The following SEC14L3 variants were observed in gnomAD, a reference collection of about 807,000 sequenced individuals.
The protein encoded by SEC14L3 is SEC14 like lipid binding 3.
A neutral mutation model predicts 57.4 loss-of-function variants in SEC14L3; 56 were observed. The observed-to-expected ratio is 0.97, with a 90% CI of 0.79 to 1.22. The LOEUF is 1.22. SEC14L3 is among the 50% of genes most tolerant of loss of function. SEC14L3 has a pLI of 0.00. For missense variants in SEC14L3, 485 were observed against 511.7 expected (o/e 0.95, Z 0.50); for synonymous variants, 173 against 194.4 (o/e 0.89, Z 0.92).
rs902543621 is a variant in SEC14L3 at position 30,468,971 on chromosome 22, G to A, written c.235-275C>T. 4.9e-6 allele frequency: 7 copies of A among 1,423,198 alleles called. No homozygotes were observed. The Admixed American group carries it at 1.7e-4, about 34-fold the overall frequency. The allele number at this position is 1,423,198 out of a possible 1,614,324, so 88.2% of individuals were successfully genotyped here. On this transcript the variant is annotated intron_variant, in intron 4 of 11. Transcript: ENST00000215812. ...CCCGTGTCCCTTTCTGTGGAGAAGA[G>A]TCGGGTTTAGTGATGGAGAACACAG...
chr22:30,452,411 A>AT (rs1250848018), intron 12 of SEC14L3, among the ~76,000 whole-genome samples: 1 of 151,408 alleles, frequency 6.6e-6, no homozygotes, highest in Non-Finnish European at 1.5e-5. Flanking sequence ...CGACTGGCTA[A>AT]TTTTTTGTAT....
At chr22:30,469,011 CAG>C (rs1350728913) in intron 4 of SEC14L3, 1 of 1,374,200 alleles carries the variant, frequency 7.3e-7, no homozygotes, top group African/African-American at 1.5e-5. Context: ...TGAAGGTTAA[CAG>C]AGCTGGTTCA....
At chr22:30,460,868 T>C (rs1019865474) in intron 11 of SEC14L3, among the ~76,000 whole-genome samples, 4 of 149,656 alleles carry the variant, frequency 2.7e-5, no homozygotes, top group Non-Finnish European at 4.4e-5. Context: ...AAACAGGCAT[T>C]GTAACTCCTG....
At chr22:30,455,620 T>C (rs562626112), downstream of SEC14L3, among the ~76,000 whole-genome samples, 1 of 152,266 alleles carries the variant, frequency 6.6e-6, no homozygotes, top group East Asian at 1.9e-4. Context: ...GTGACATGCA[T>C]TTGTGGTCTC....
chr22:30,464,885 A>G lies in SEC14L3; in HGVS notation c.599T>C (p.Val200Ala). 6.2e-7 allele frequency: 1 copy of G among 1,614,058 alleles called. No homozygotes were observed. The highest frequency in any genetic ancestry group is 8.5e-7 in the Non-Finnish European group (1 of 1,179,892). Residue 200 changes from valine to alanine, a missense_variant, in exon 8 of 12, where the codon GTG becomes GCG. By Grantham distance (64) the Val-to-Ala change is moderately conservative. Transcript: ENST00000215812. ...LIVKATKLFP[V>A]GYNLMKPFLS... ...GAATGGCTTCATGAGGTTGTAGCCCACAGGGAACAGTTTGGTAGCTGGAGA... is the reference window on the plus strand; with the variant it reads ...GAATGGCTTCATGAGGTTGTAGCCCGCAGGGAACAGTTTGGTAGCTGGAGA...
Position 30,462,099 on chromosome 22 carries a change from T to C in SEC14L3, c.758A>G (p.Lys253Arg), listed in dbSNP as rs368732482. 85 of 1,613,994 alleles carry C rather than the reference T, an allele frequency of 5.3e-5. No individual in the cohort carries two copies. The highest frequency in any genetic ancestry group is 6.5e-5 in the Non-Finnish European group (77 of 1,180,002). The stretch of plus-strand genomic sequence containing the variant: ...GGCTCTTTGTACCTTGGTTAAACAT[T>C]TGGGGTTCCCATCTGGGTCAGTCAG... ...GTLTDPDGNP[K>R]CLTKINYGGE... Residue 253 changes from lysine to arginine, a missense_variant, in exon 9 of 12, where the codon AAA becomes AGA. Transcript: ENST00000215812.
At chr22:30,455,074 A>AAATATTTAAT (rs1569225563), downstream of SEC14L3, among the ~76,000 whole-genome samples, 6 of 62,234 alleles carry the variant, frequency 9.6e-5, no homozygotes, top group African/African-American at 4.7e-4. Flanking sequence ...TATAATATAT[A>AAATATTTAAT]ATATATTAAA....
chr22:30,464,955 C>T (rs746530845), intron 7 of SEC14L3, 52 bp from the exon 8 acceptor site: 1 of 1,612,054 alleles, frequency 6.2e-7, no homozygotes, highest in South Asian at 1.1e-5. Flanking sequence ...CATTGGGCAA[C>T]CCCCTCCATA....
chr22:30,456,332 C>T (rs542262152), downstream of SEC14L3, among the ~76,000 whole-genome samples: 8 of 147,640 alleles, frequency 5.4e-5, no homozygotes, highest in East Asian at 2.0e-4. Flanking sequence ...ACACCAAACA[C>T]GAAAAAAGGA....
chr22:30,460,163 G>A (rs374115729), intron 11 of SEC14L3, 21 bp from the exon 12 acceptor site: 3 of 1,612,680 alleles, frequency 1.9e-6, no homozygotes, highest in Admixed American at 3.3e-5. Context: ...GATGGAAAGA[G>A]GGGCATTGGG....
At chr22:30,471,591 G>A (rs761449840) in intron 1 of SEC14L3, among the ~76,000 whole-genome samples, 14 of 152,200 alleles carry the variant, frequency 9.2e-5, no homozygotes, top group Non-Finnish European at 1.6e-4. Flanking sequence ...GTGCCTGGGA[G>A]GGAGGAACGG....
intron 12 of SEC14L3, among the ~76,000 whole-genome samples, chr22:30,453,627 G>A (rs1807018810): frequency 6.6e-6 from 1 of 152,148 alleles, no homozygotes; most frequent in African/African-American, 2.4e-5. Flanking sequence ...TGGCCAGGCT[G>A]GTCTCAAACT....
downstream of SEC14L3, among the ~76,000 whole-genome samples, chr22:30,454,855 ATTATT>A (rs1935069539): frequency 3.9e-5 from 2 of 51,296 alleles, no homozygotes; most frequent in East Asian, 1.0e-3. Context: ...AATATATTAT[ATTATT>A]ATATAATACA....
chr22:30,454,770 A>G (rs1478462928), downstream of SEC14L3, among the ~76,000 whole-genome samples: 1 of 79,190 alleles, frequency 1.3e-5, no homozygotes, highest in South Asian at 4.1e-4. Context: ...TATAATATAT[A>G]ATATATTATT....
chr22:30,459,011 A>AAAAC (rs993777245), downstream of SEC14L3, among the ~76,000 whole-genome samples: 8 of 152,168 alleles, frequency 5.3e-5, no homozygotes, highest in African/African-American at 7.2e-5. Flanking sequence ...CCTGTCTCAA[A>AAAAC]AAACAAACAA....
chr22:30,472,008 A>G lies in SEC14L3; in HGVS notation c.-50T>C. On this transcript the variant is annotated 5_prime_UTR_variant, in exon 1 of 12. Transcript: ENST00000215812. ...GGTGGCCACTATAGGCAAGAGGCCAAGCCTAGTTTGTCAGCCCTGACCCAG... is the reference window on the plus strand; with the variant it reads ...GGTGGCCACTATAGGCAAGAGGCCAGGCCTAGTTTGTCAGCCCTGACCCAG... 1.3e-6 allele frequency: 2 copies of G among 1,531,906 alleles called. No homozygotes were observed. Among genetic ancestry groups the G allele is most frequent in the Non-Finnish European group, 1.8e-6 (2 of 1,139,936 alleles). The allele number at this position is 1,531,906 out of a possible 1,614,324, so 94.9% of individuals were successfully genotyped here.
downstream of SEC14L3, among the ~76,000 whole-genome samples, chr22:30,456,046 G>A (rs898649865): frequency 3.9e-5 from 6 of 152,092 alleles, no homozygotes; most frequent in African/African-American, 9.7e-5. Flanking sequence ...GGTGGCTCAC[G>A]CTTGTAATCC....
At chr22:30,458,210 G>A (rs916008231), downstream of SEC14L3, among the ~76,000 whole-genome samples, 10 of 152,274 alleles carry the variant, frequency 6.6e-5, no homozygotes, top group Admixed American at 1.3e-4. Context: ...TCACGTCCCC[G>A]AATCACAGCA....
chr22:30,455,173 T>A (rs1209293391), downstream of SEC14L3, among the ~76,000 whole-genome samples: 1 of 109,982 alleles, frequency 9.1e-6, no homozygotes, highest in East Asian at 2.4e-4. Flanking sequence ...TTTAATATAT[T>A]ATATTTAATA....
Sources: allele counts gnomAD v4.1 joint callset (sites outside exome capture counted in the v4.1 genomes callset), GRCh38; gene constraint gnomAD v4.1.1; transcripts MANE v1.5; gene names NCBI Gene and HGNC (gene_info 2026-07-23, HGNC 2026-07-21).